Variants in NRG1 observed in about 807,000 individuals in gnomAD.
NRG1 encodes the protein pro-neuregulin-1, membrane-bound isoform.
A neutral mutation model predicts 63.8 loss-of-function variants in NRG1; 18 were observed. The observed-to-expected ratio is 0.28, with a 90% CI of 0.19 to 0.42. The LOEUF (loss-of-function observed/expected upper bound fraction) is 0.42, where lower values mean the gene tolerates loss of function less well. Among genes scored for constraint, NRG1 ranks in the 10% least tolerant of loss-of-function variants. The pLI is 1.00. For synonymous variants in NRG1, 302 were observed against 301.3 expected, an observed-to-expected ratio of 1.00 and a Z score of -0.02; for missense variants, 762 against 814.7, an observed-to-expected ratio of 0.94 and a Z score of 0.79.
Position 32,141,613 on chromosome 8 carries a change from TA to T in NRG1, c.38-454214del, listed in dbSNP as rs1477270002. ...GTGGGTATATATATATATATATATA[TA>T]TATATATATATATATGAATGATGCA... On this transcript the variant is annotated intron_variant, in intron 1 of 10. Transcript: ENST00000519301. Among the ~76,000 whole-genome samples, 4 of 138,586 alleles carry T rather than the reference TA, an allele frequency of 2.9e-5. No homozygotes were observed. In the East Asian group the frequency reaches 8.4e-4, roughly 29 times the overall value. The allele number at this position is 138,586 out of a possible 152,430, so 90.9% of individuals were successfully genotyped here.
At chr8:31,879,800 A>C (rs1474867557) in intron 1 of NRG1, among the ~76,000 whole-genome samples, 13 of 152,188 alleles carry the variant, frequency 8.5e-5, no homozygotes. Context: ...ATAAGTAAGA[A>C]CATGCAGTAT....
At chr8:31,680,208 G>A (rs1361512605) in intron 1 of NRG1, among the ~76,000 whole-genome samples, 2 of 151,784 alleles carry the variant, frequency 1.3e-5, no homozygotes, top group Non-Finnish European at 2.9e-5. Context: ...AGTTACATAT[G>A]TATACATGTG....
intron 5 of NRG1, among the ~76,000 whole-genome samples, chr8:32,682,228 A>AT (rs1808852023): frequency 6.6e-6 from 1 of 152,162 alleles, no homozygotes. Flanking sequence ...TATAGTTATT[A>AT]TGCTATTATT....
intron 1 of NRG1, among the ~76,000 whole-genome samples, chr8:32,503,913 T>C (rs1347358853): frequency 6.6e-6 from 1 of 152,174 alleles, no homozygotes; most frequent in African/African-American, 2.4e-5. Flanking sequence ...GGTCTTGCAT[T>C]CCTTCTCGCC....
intron 1 of NRG1, among the ~76,000 whole-genome samples, chr8:31,734,241 G>A (rs776851382): frequency 4.6e-5 from 7 of 152,162 alleles, no homozygotes; most frequent in African/African-American, 7.2e-5. Flanking sequence ...CAGGAAGATC[G>A]CTTGAGCCCA....
At chr8:32,442,012 A>AT (rs1819615044) in intron 1 of NRG1, among the ~76,000 whole-genome samples, 1 of 152,136 alleles carries the variant, frequency 6.6e-6, no homozygotes, top group Non-Finnish European at 1.5e-5. Flanking sequence ...AATGATAGTT[A>AT]TTTTTTTCCA....
chr8:31,849,179 T>G (rs776404), intron 1 of NRG1, among the ~76,000 whole-genome samples: 59,022 of 151,992 alleles, frequency 0.39, 12,018 homozygotes, highest in Middle Eastern at 0.45. Context: ...ATATCATTCA[T>G]CCAACAGGCA....
chr8:31,765,711 G>A (rs554202539), intron 1 of NRG1, among the ~76,000 whole-genome samples: 3 of 152,196 alleles, frequency 2.0e-5, no homozygotes, highest in South Asian at 4.2e-4. Context: ...CAATGTTGTG[G>A]ATAGAGAAAA....
At position 31,844,851 on chromosome 8, in the gene NRG1, G is replaced by A. The variant is rs568110326; in HGVS notation, c.37+205420G>A. Among the ~76,000 whole-genome samples, 67 of 151,978 alleles carry A rather than the reference G, an allele frequency of 4.4e-4. 1 individual carries two copies. Among genetic ancestry groups the A allele is most frequent in the Non-Finnish European group, 5.7e-4 (39 of 68,000 alleles). ...AAAAAAAATGAGAGTGAGTTTTGAGGATCCTAGAGCAAGTAATCCCAGCAC... is the reference window on the plus strand; with the variant it reads ...AAAAAAAATGAGAGTGAGTTTTGAGAATCCTAGAGCAAGTAATCCCAGCAC... On this transcript the variant is annotated intron_variant, in intron 1 of 10. Transcript: ENST00000519301.
chr8:32,767,432 C>T lies in NRG1; in HGVS notation c.*3030C>T, dbSNP rs1007398374. The T allele has an allele frequency of 2.0e-5, 3 of 152,070 alleles. No individual in the cohort carries two copies. The South Asian group carries it at 6.2e-4, about 32-fold the overall frequency. 9.4% of individuals were successfully genotyped at this position (152,070 alleles called of 1,614,324 possible). On this transcript the variant is annotated 3_prime_UTR_variant, in exon 12 of 12. Transcript: ENST00000356819. ...TCCACCAGCCAGAGATTTCTATCTGCGAAGACCTATGAAACACTGAAGAGA... is the reference window on the plus strand; with the variant it reads ...TCCACCAGCCAGAGATTTCTATCTGTGAAGACCTATGAAACACTGAAGAGA...
intron 1 of NRG1, among the ~76,000 whole-genome samples, chr8:31,866,028 C>T (rs565806424): frequency 5.9e-5 from 9 of 152,264 alleles, no homozygotes; most frequent in South Asian, 2.1e-4. Flanking sequence ...ATTTCATGTG[C>T]GGTTCTTGTC....
At position 32,495,608 on chromosome 8, in the gene NRG1, G is replaced by A. The variant is rs551114913; in HGVS notation, c.38-100220G>A. On this transcript the variant is annotated intron_variant, in intron 1 of 10. Transcript: ENST00000519301. Reference sequence around the variant, plus strand: ...CTCCCGAGCAGCTGGGATTACAGGCGCTCGCCACCACGCCCAGCTAATTTT... The same window carrying A: ...CTCCCGAGCAGCTGGGATTACAGGCACTCGCCACCACGCCCAGCTAATTTT... Among the ~76,000 whole-genome samples, 16 of 152,014 alleles carry A rather than the reference G, an allele frequency of 1.1e-4. No individual in the cohort carries two copies. In the South Asian group the frequency reaches 1.2e-3, roughly 12 times the overall value.
At chr8:32,277,393 A>G (rs992811989) in intron 1 of NRG1, among the ~76,000 whole-genome samples, 1 of 152,218 alleles carries the variant, frequency 6.6e-6, no homozygotes, top group Non-Finnish European at 1.5e-5. Context: ...TGGCATAGAA[A>G]TTAACATCCA....
At chr8:32,307,983 A>G (rs1029702187) in intron 1 of NRG1, among the ~76,000 whole-genome samples, 5 of 152,192 alleles carry the variant, frequency 3.3e-5, no homozygotes, top group Non-Finnish European at 5.9e-5. Context: ...TTGCTCAGCC[A>G]GTGAACTCCG....
intron 1 of NRG1, among the ~76,000 whole-genome samples, chr8:32,467,145 G>T (rs1170582077): frequency 6.6e-6 from 1 of 152,250 alleles, no homozygotes; most frequent in Non-Finnish European, 1.5e-5. Flanking sequence ...TTTTTAGAAT[G>T]AACCCAATAT....
At chr8:31,772,100 C>T (rs987162646) in intron 1 of NRG1, among the ~76,000 whole-genome samples, 1 of 152,152 alleles carries the variant, frequency 6.6e-6, no homozygotes, top group East Asian at 1.9e-4. Context: ...GTTTTTATCC[C>T]ATTTGTGAGT....
intron 1 of NRG1, among the ~76,000 whole-genome samples, chr8:32,145,815 T>C (rs1836808411): frequency 6.6e-6 from 1 of 152,220 alleles, no homozygotes; most frequent in Non-Finnish European, 1.5e-5. Flanking sequence ...TCTGATGCCC[T>C]GTTCTAAAAT....
At chr8:32,539,788 A>C (rs1351048745) in intron 1 of NRG1, among the ~76,000 whole-genome samples, 1 of 152,180 alleles carries the variant, frequency 6.6e-6, no homozygotes, top group Non-Finnish European at 1.5e-5. Flanking sequence ...GAGAAAGTTA[A>C]GGAAAAAAAA....
chr8:31,997,909 C>T (rs1812275331), intron 1 of NRG1, among the ~76,000 whole-genome samples: 1 of 151,990 alleles, frequency 6.6e-6, no homozygotes, highest in South Asian at 2.1e-4. Flanking sequence ...AAATAACTTG[C>T]TCAGGAAGGC....
Sources: gnomAD v4.1 joint callset for allele counts (sites outside exome capture counted in the v4.1 genomes callset) on GRCh38, gnomAD v4.1.1 for gene constraint, MANE v1.5 for transcripts, NCBI Gene and HGNC (gene_info 2026-07-23, HGNC 2026-07-21) for gene names.